Variants in COL11A2 observed in about 807,000 individuals in gnomAD.
COL11A2 encodes the protein collagen alpha-2(XI) chain.
COL11A2 carries 116 observed loss-of-function variants against 273.4 expected under a neutral mutation model. That is an observed-to-expected ratio of 0.42 (90% CI 0.36 to 0.49). The LOEUF is 0.49. Among genes scored for constraint, COL11A2 ranks in the 20% least tolerant of loss-of-function variants. The pLI is 0.00. For synonymous variants in COL11A2, 782 were observed against 864.2 expected (o/e 0.90, Z 1.67); for missense variants, 1,866 against 2,309.0 (o/e 0.81, Z 3.93).
In COL11A2 at chr6:33,176,161, G is replaced by GGGA; in HGVS notation, c.2214+95_2215-93dup. Reference sequence around the variant, plus strand: ...AGAACATAGGTGGAAGCAGGGGCTCGGGAGCTGGACGGCAGTGCGGGGCAG... The same window carrying GGGA: ...AGAACATAGGTGGAAGCAGGGGCTCGGGAGGAGCTGGACGGCAGTGCGGGGCAG... On this transcript the variant is annotated intron_variant, in intron 28 of 65. Coordinates refer to ENST00000341947, the MANE Select transcript of COL11A2 (RefSeq NM_080680.3). This position sits in a 1 kb window ranked among gnomAD's most constrained non-coding sequence, Gnocchi z 4.9. The GGGA allele has an allele frequency of 6.2e-7, 1 of 1,605,002 alleles. No homozygotes were observed. Among genetic ancestry groups the GGGA allele is most frequent in the South Asian group, 1.1e-5 (1 of 90,880 alleles).
chr6:33,170,885 G>A lies in COL11A2; in HGVS notation c.3399C>T (p.Pro1133=). Residue 1133 remains proline (P), a synonymous_variant, in exon 46 of 66, where the codon CCC becomes CCT. Coordinates refer to ENST00000341947, the MANE Select transcript of COL11A2 (RefSeq NM_080680.3). The surrounding 1 kb of genome is among the most constrained non-coding windows in gnomAD (Gnocchi z 4.3). The part of the protein sequence containing the change: ...GADGEPGARG[P]QGHFGAKGDE... The stretch of plus-strand genomic sequence containing the variant: ...CACCTTTGGCTCCAAAGTGTCCCTG[G>A]GGTCCCCGAGCTCCGGGCTCCCCAT... The A allele has an allele frequency of 1.2e-6, 2 of 1,612,980 alleles. No homozygotes were observed. The highest frequency in any genetic ancestry group is 1.7e-6 in the Non-Finnish European group (2 of 1,179,998).
At chr6:33,184,847 C>T (rs952589246) in intron 7 of COL11A2, 145 bp downstream of exon 7, 5 of 707,128 alleles carry the variant, frequency 7.1e-6, no homozygotes, top group Non-Finnish European at 1.3e-5. Context: ...TCTAGAGTGA[C>T]CCAAAGACAG....
chr6:33,192,084 T>C, intron 1 of COL11A2, 75 bp downstream of exon 1: 1 of 1,369,212 alleles, frequency 7.3e-7, no homozygotes, highest in Non-Finnish European at 1.0e-6. Flanking sequence ...GCCCCAGGCA[T>C]CAGCTGGCCC....
rs1772907575 is a variant in COL11A2 at position 33,189,845 on chromosome 6, T to C, written c.83-376A>G. Among the ~76,000 whole-genome samples, 1 of 152,186 alleles carries C rather than the reference T, an allele frequency of 6.6e-6. No individual in the cohort carries two copies. Among genetic ancestry groups the C allele is most frequent in the East Asian group, 1.9e-4 (1 of 5,204 alleles). On this transcript the variant is annotated intron_variant, in intron 1 of 65. Transcript: ENST00000341947. This position sits in a 1 kb window ranked among gnomAD's most constrained non-coding sequence, Gnocchi z 5.6. ...TCTTACTCTCTCTGTCTCTTTATGT[T>C]GGTCTTTCTGTCTCTGTCTCTTCTG...
At chr6:33,171,859 C>T (rs920528462) in intron 41 of COL11A2, 39 bp from the exon 42 acceptor site, 2 of 1,602,388 alleles carry the variant, frequency 1.2e-6, no homozygotes, top group Non-Finnish European at 8.5e-7. Context: ...GAAGGAGACA[C>T]CAGCCCGCCC....
At chr6:33,181,441 TCC>T (rs34650347) in intron 8 of COL11A2, among the ~76,000 whole-genome samples, 1 of 151,978 alleles carries the variant, frequency 6.6e-6, no homozygotes, top group Non-Finnish European at 1.5e-5. Context: ...TTCAGGAAGG[TCC>T]CCAGAAACTT....
Position 33,163,259 on chromosome 6 carries a change from A to G in COL11A2, c.*419T>C. On this transcript the variant is annotated 3_prime_UTR_variant, in exon 66 of 66. Coordinates refer to ENST00000341947, the MANE Select transcript of COL11A2 (RefSeq NM_080680.3). The surrounding 1 kb of genome is among the most constrained non-coding windows in gnomAD (Gnocchi z 4.1). ...ATGTGGGTGCCGGAGCCCACCCCCG[A>G]GACCCCTGTCTTCAACATCTGCTGA... 1 of 217,048 alleles carries G rather than the reference A, an allele frequency of 4.6e-6. No individual in the cohort carries two copies. 13.4% of individuals were successfully genotyped at this position (217,048 alleles called of 1,614,324 possible). A position where few individuals can be genotyped will look rare whatever the true frequency, so the allele number is the denominator to read the frequency against.
chr6:33,181,307 C>T (rs188919127), intron 8 of COL11A2, 137 bp from the exon 9 acceptor site: 206 of 888,244 alleles, frequency 2.3e-4, no homozygotes, highest in African/African-American at 9.7e-4. Context: ...CCCCACAGCC[C>T]TCCCCTAAAA....
chr6:33,167,567 CAG>C lies in COL11A2; in HGVS notation c.4015-36_4015-35del, dbSNP rs748869320. ...CACACAAGGAATGTGTCCTGAATGG[CAG>C]AGGAGTGGGGTGTGGGCAGGGGGCA... On this transcript the variant is annotated intron_variant, in intron 55 of 65. Coordinates refer to ENST00000341947, the MANE Select transcript of COL11A2 (RefSeq NM_080680.3). This position sits in a 1 kb window ranked among gnomAD's most constrained non-coding sequence, Gnocchi z 6.1. The C allele has an allele frequency of 1.8e-5, 29 of 1,609,412 alleles. No homozygotes were observed. The highest frequency in any genetic ancestry group is 2.0e-5 in the Non-Finnish European group (24 of 1,177,876).
In COL11A2 at chr6:33,163,789, C is replaced by T. The variant is rs576198920; in HGVS notation, c.5100G>A (p.Val1700=). 1 of 1,613,042 alleles carries T rather than the reference C, an allele frequency of 6.2e-7. No homozygotes were observed. Among genetic ancestry groups the T allele is most frequent in the Non-Finnish European group, 8.5e-7 (1 of 1,180,004 alleles). ...GCAGCTGCTCCAGCACAGGCGTTCG[C>T]ACCTCCAGCACCGTCCGGCCTTGCT... ...QTQQGRTVLE[V]RTPVLEQLPV... The change falls in exon 66 of 66, where the codon GTG becomes GTA. Residue 1700 remains valine, a synonymous_variant. Coordinates refer to ENST00000341947, the MANE Select transcript of COL11A2 (RefSeq NM_080680.3). This position sits in a 1 kb window ranked among gnomAD's most constrained non-coding sequence, Gnocchi z 4.1.
At chr6:33,185,622 G>C (rs1335396185) in intron 6 of COL11A2, 79 bp downstream of exon 6, 8 of 574,416 alleles carry the variant, frequency 1.4e-5, no homozygotes, top group Middle Eastern at 7.2e-4. Context: ...GCATGGGGGA[G>C]GGGAGGAAGG....
chr6:33,191,677 G>C (rs1477041917), intron 1 of COL11A2, among the ~76,000 whole-genome samples: 1 of 152,238 alleles, frequency 6.6e-6, no homozygotes, highest in Non-Finnish European at 1.5e-5. Context: ...TGTCCAGGAG[G>C]CCAATGAGAC....
At position 33,176,807 on chromosome 6, in the gene COL11A2, A is replaced by C; in HGVS notation, c.2071-42T>G. On this transcript the variant is annotated intron_variant, in intron 25 of 65. Transcript: ENST00000341947. This position sits in a 1 kb window ranked among gnomAD's most constrained non-coding sequence, Gnocchi z 4.9. ...GAAAATGTGACCAGTGGCCCCTGTC[A>C]CCCTCTCTGCACCCCTCCCTACACT... 6.2e-7 allele frequency: 1 copy of C among 1,601,744 alleles called. No homozygotes were observed. The highest frequency in any genetic ancestry group is 1.1e-5 in the South Asian group (1 of 89,608).
At chr6:33,168,824 C>A (rs1156636238) in intron 52 of COL11A2, 65 bp from the exon 53 acceptor site, 1 of 1,604,652 alleles carries the variant, frequency 6.2e-7, no homozygotes, top group East Asian at 2.3e-5. Context: ...CCAAAACTGT[C>A]AATACCCCAT....
chr6:33,189,502 C>A lies in COL11A2; in HGVS notation c.83-33G>T. The A allele has an allele frequency of 6.2e-7, 1 of 1,612,422 alleles. No homozygotes were observed. The highest frequency in any genetic ancestry group is 8.5e-7 in the Non-Finnish European group (1 of 1,179,568). ...AGTCCATGATTATCAGGAGAAGGGA[C>A]ATGCCCTCAGGAGGGCATAAATAGG... On this transcript the variant is annotated intron_variant, in intron 1 of 65. Transcript: ENST00000341947. The surrounding 1 kb of genome is among the most constrained non-coding windows in gnomAD (Gnocchi z 5.6).
In COL11A2 at chr6:33,173,503, G is replaced by C; in HGVS notation, c.2681C>G (p.Pro894Arg). The part of the protein sequence containing the change: ...PNGFPGPKGP[P>R]GPPGKDGLPG... ...GGTCAGAGCTCGGGGTCAACTTACC[G>C]GGGGTCCTTTCGGTCCAGGAAACCC... Residue 894 changes from proline (P) to arginine (R), a missense_variant and splice_region_variant, in exon 36 of 66, where the codon CCG becomes CGG. Pro to Arg is a moderately radical substitution (Grantham distance 103, BLOSUM62 -2). Transcript: ENST00000341947. This position sits in a 1 kb window ranked among gnomAD's most constrained non-coding sequence, Gnocchi z 6.3. 1 of 1,611,738 alleles carries C rather than the reference G, an allele frequency of 6.2e-7. No homozygotes were observed. Among genetic ancestry groups the C allele is most frequent in the Non-Finnish European group, 8.5e-7 (1 of 1,179,366 alleles).
chr6:33,179,145 G>A lies in COL11A2; in HGVS notation c.1558-19C>T. On this transcript the variant is annotated intron_variant, in intron 15 of 65. Transcript: ENST00000341947. This position sits in a 1 kb window ranked among gnomAD's most constrained non-coding sequence, Gnocchi z 6.4. ...TGGGGCCCTGGTGAGAGGAGAGATG[G>A]GGTGGGGTTAGGAGGCATAGGGAGG... 1 of 1,613,264 alleles carries A rather than the reference G, an allele frequency of 6.2e-7. No individual in the cohort carries two copies. Among genetic ancestry groups the A allele is most frequent in the Non-Finnish European group, 8.5e-7 (1 of 1,179,616 alleles).
At chr6:33,168,683 T>G (rs1286543574) in intron 53 of COL11A2, 23 bp downstream of exon 53, 1 of 1,586,112 alleles carries the variant, frequency 6.3e-7, no homozygotes. Flanking sequence ...CTCAGGGGGG[T>G]GGTGGGGTCA....
chr6:33,178,356 G>A lies in COL11A2; in HGVS notation c.1774-4C>T. On this transcript the variant is annotated splice_region_variant and splice_polypyrimidine_tract_variant and intron_variant, in intron 19 of 65. Transcript: ENST00000341947. The surrounding 1 kb of genome is among the most constrained non-coding windows in gnomAD (Gnocchi z 4.6). ...GCCCAATCTCCCCGTCATCTCCCTG[G>A]AGGAGGAGGACACGGTAAAGCTGCT... The A allele has an allele frequency of 6.2e-7, 1 of 1,612,782 alleles. No homozygotes were observed.
Sources: gnomAD v4.1 joint callset for allele counts (sites outside exome capture counted in the v4.1 genomes callset) on GRCh38, gnomAD v4.1.1 for gene constraint, Gnocchi (gnomAD v3.1) non-coding constraint, MANE v1.5 for transcripts, NCBI Gene and HGNC (gene_info 2026-07-23, HGNC 2026-07-21) for gene names.